Variants in TFDP2 observed in about 807,000 individuals in gnomAD.
The protein encoded by TFDP2 is transcription factor Dp-2 (E2F dimerization partner 2).
TFDP2 carries 17 observed loss-of-function variants against 59.3 expected under a neutral mutation model. The observed-to-expected ratio is 0.29, with a 90% CI of 0.20 to 0.43. The LOEUF (loss-of-function observed/expected upper bound fraction) is 0.43. Ranked by LOEUF, TFDP2 falls within the 20% of genes least tolerant of loss-of-function variation. The pLI is 1.00. For missense variants in TFDP2, 391 were observed against 528.8 expected (o/e 0.74, Z 2.56); for synonymous variants, 180 against 194.7 (o/e 0.92, Z 0.63).
chr3:141,996,296 C>T (rs1442964970), intron 4 of TFDP2, among the ~76,000 whole-genome samples: 2 of 152,056 alleles, frequency 1.3e-5, no homozygotes, highest in African/African-American at 2.4e-5. Context: ...AGGCATGCTC[C>T]GGTGAATGGG....
At chr3:141,995,883 CAAAAAAAAA>C (rs146557075) in intron 4 of TFDP2, among the ~76,000 whole-genome samples, 100 of 67,950 alleles carry the variant, frequency 1.5e-3, no homozygotes, top group African/African-American at 2.7e-3. Flanking sequence ...AACTCCATTT[CAAAAAAAAA>C]AAAAAAAAAA....
At chr3:142,092,475 C>T (rs1354353639) in intron 3 of TFDP2, among the ~76,000 whole-genome samples, 1 of 152,032 alleles carries the variant, frequency 6.6e-6, no homozygotes, top group African/African-American at 2.4e-5. Context: ...TACAGGTACA[C>T]ATCACCATGC....
intron 3 of TFDP2, among the ~76,000 whole-genome samples, chr3:142,020,820 C>CA (rs1009534343): frequency 1.3e-5 from 2 of 151,374 alleles, no homozygotes; most frequent in African/African-American, 4.9e-5. Flanking sequence ...CTCATCTCTA[C>CA]AAAAAAATAA....
At chr3:142,065,236 G>C (rs2060034920) in intron 3 of TFDP2, among the ~76,000 whole-genome samples, 2 of 151,776 alleles carry the variant, frequency 1.3e-5, no homozygotes, top group South Asian at 4.2e-4. Context: ...TGCAACCTCT[G>C]CCTCCCAGGC....
chr3:142,046,313 T>A (rs1947344905), intron 3 of TFDP2, among the ~76,000 whole-genome samples: 1 of 152,218 alleles, frequency 6.6e-6, no homozygotes, highest in Non-Finnish European at 1.5e-5. Flanking sequence ...TTTACTCTTG[T>A]AAATATCTGA....
At chr3:142,018,313 G>A (rs1307540977) in intron 3 of TFDP2, among the ~76,000 whole-genome samples, 2 of 152,084 alleles carry the variant, frequency 1.3e-5, no homozygotes, top group South Asian at 2.1e-4. Context: ...TTGAGCTCCT[G>A]AGTAATGGAA....
intron 1 of TFDP2, among the ~76,000 whole-genome samples, chr3:142,134,954 A>C (rs892823656): frequency 1.3e-5 from 2 of 152,098 alleles, no homozygotes; most frequent in Non-Finnish European, 2.9e-5. Context: ...TCCATATTCA[A>C]TTTACCAGAC....
At chr3:142,056,578 T>A (rs1262689694) in intron 3 of TFDP2, among the ~76,000 whole-genome samples, 1 of 152,212 alleles carries the variant, frequency 6.6e-6, no homozygotes, top group Non-Finnish European at 1.5e-5. Context: ...CTACTTGCTA[T>A]ATCTGGCAAC....
At chr3:141,973,104 TA>T (rs1559951108) in intron 8 of TFDP2, among the ~76,000 whole-genome samples, 3 of 107,322 alleles carry the variant, frequency 2.8e-5, no homozygotes, top group Non-Finnish European at 5.7e-5. Flanking sequence ...TATATATATA[TA>T]TATATATATA....
intron 9 of TFDP2, among the ~76,000 whole-genome samples, chr3:141,969,718 T>G (rs1255227504): frequency 1.3e-5 from 2 of 152,186 alleles, no homozygotes; most frequent in Non-Finnish European, 2.9e-5. Context: ...TTGAAGCACC[T>G]AAAATTTAAC....
Position 141,951,640 on chromosome 3 carries a change from ATTTG to A in TFDP2, c.*869_*872del, listed in dbSNP as rs1436030899. On this transcript the variant is annotated 3_prime_UTR_variant, in exon 13 of 13. Coordinates refer to ENST00000489671, the MANE Select transcript of TFDP2 (RefSeq NM_001178139.2). ...GTAGGCAAGCAATTTGGTCATAGGA[ATTTG>A]TTTCTTTGTCTTGTTTTAAATGAAA... The A allele has an allele frequency of 3.3e-5, 5 of 152,628 alleles. No individual in the cohort carries two copies. Among genetic ancestry groups the A allele is most frequent in the Non-Finnish European group, 7.3e-5 (5 of 68,036 alleles). 9.5% of individuals were successfully genotyped at this position (152,628 alleles called of 1,614,324 possible).
chr3:142,133,789 C>T (rs1448774339), intron 1 of TFDP2, among the ~76,000 whole-genome samples: 1 of 152,070 alleles, frequency 6.6e-6, no homozygotes, highest in Non-Finnish European at 1.5e-5. Flanking sequence ...TGAGTCACCA[C>T]ACCCAGCCTC....
chr3:142,120,239 G>A (rs913483873), intron 1 of TFDP2, among the ~76,000 whole-genome samples: 2 of 151,846 alleles, frequency 1.3e-5, no homozygotes, highest in South Asian at 2.1e-4. Context: ...GTGGGCGCCT[G>A]TAGTCCCAGC....
intron 6 of TFDP2, among the ~76,000 whole-genome samples, chr3:141,987,265 TTGTG>T (rs56988461): frequency 0.099 from 13,187 of 132,758 alleles, 855 homozygotes; most frequent in African/African-American, 0.2. Context: ...GCTGTCAGAT[TTGTG>T]TGTGTGTGTG....
Position 141,978,529 on chromosome 3 carries a change from A to T in TFDP2, c.510T>A (p.Ala170=), listed in dbSNP as rs1480215553. The change falls in exon 7 of 13, where the codon GCT becomes GCA. Residue 170 remains alanine (A), a synonymous_variant. Transcript: ENST00000489671. ...TTCATGATTTACATACCGAATCAGCAGCCAAATGGTTATTTGAATTGGTGA... is the reference window on the plus strand; with the variant it reads ...TTCATGATTTACATACCGAATCAGCTGCCAAATGGTTATTTGAATTGGTGA... ...SEFTNSNNHL[A]ADSAYDQKNI... is the part of the protein sequence containing the mutation. 1 of 1,607,972 alleles carries T rather than the reference A, an allele frequency of 6.2e-7. No homozygotes were observed. The highest frequency in any genetic ancestry group is 2.2e-5 in the East Asian group (1 of 44,686).
intron 3 of TFDP2, among the ~76,000 whole-genome samples, chr3:142,065,904 A>C (rs1400159867): frequency 6.6e-6 from 1 of 152,150 alleles, no homozygotes; most frequent in Non-Finnish European, 1.5e-5. Flanking sequence ...AAATTTGTGA[A>C]GTAAAATCCA....
At chr3:142,031,117 T>C (rs1946412602) in intron 3 of TFDP2, among the ~76,000 whole-genome samples, 1 of 152,174 alleles carries the variant, frequency 6.6e-6, no homozygotes, top group Non-Finnish European at 1.5e-5. Context: ...AATTACAAGT[T>C]AAAATATAAA....
In TFDP2 at chr3:142,029,865, C is replaced by T. The variant is rs184015003; in HGVS notation, c.83-24321G>A. On this transcript the variant is annotated intron_variant, in intron 3 of 12. Coordinates refer to ENST00000489671, the MANE Select transcript of TFDP2 (RefSeq NM_001178139.2). ...GTGAATGCAACAGACAAAAGCCAAA[C>T]AAAAAATCTCTGTCTTTCGTGAGCT... Among the ~76,000 whole-genome samples, 402 of 152,278 alleles carry T rather than the reference C, an allele frequency of 2.6e-3. 1 individual carries two copies. Among genetic ancestry groups the T allele is most frequent in the Middle Eastern group, 0.024 (7 of 294 alleles).
Position 142,136,100 on chromosome 3 carries a change from T to G in TFDP2, c.-93+13083A>C, listed in dbSNP as rs1462593654. The stretch of plus-strand genomic sequence containing the variant: ...ACTTTTTAATTATCGCTGTTCTGAC[T>G]GGTGTGAGATGGTATCTCATTGTGG... On this transcript the variant is annotated intron_variant, in intron 1 of 12. Coordinates refer to ENST00000489671, the MANE Select transcript of TFDP2 (RefSeq NM_001178139.2). 2.6e-5 allele frequency among the ~76,000 whole-genome samples: 4 copies of G among 152,084 alleles called. 1 individual carries two copies. Among genetic ancestry groups the G allele is most frequent in the Non-Finnish European group, 5.9e-5 (4 of 68,014 alleles).
Sources: gnomAD v4.1 joint callset for allele counts (sites outside exome capture counted in the v4.1 genomes callset) on GRCh38, gnomAD v4.1.1 for gene constraint, MANE v1.5 for transcripts, NCBI Gene and HGNC (gene_info 2026-07-23, HGNC 2026-07-21) for gene names.